PARG: variants seen among roughly 807,000 people sequenced by gnomAD.
PARG encodes the protein mitochondrial poly(ADP-ribose) glycohydrolase.
Under a neutral mutation model 113.0 loss-of-function variants are expected in PARG, and 35 were observed. The ratio of observed to expected loss-of-function variants is 0.31; its 90% CI spans 0.24 to 0.41. The LOEUF is 0.41. Ranked by LOEUF, PARG falls within the 10% of genes least tolerant of loss-of-function variation. The pLI is 1.00. For synonymous variants in PARG, 330 were observed against 409.9 expected (o/e 0.81, Z 2.36); for missense variants, 797 against 1,169.4 (o/e 0.68, Z 4.64).
At chr10:49,837,004 G>A (rs1047112775) in intron 15 of PARG, among the ~76,000 whole-genome samples, 2 of 152,148 alleles carry the variant, frequency 1.3e-5, no homozygotes, top group African/African-American at 4.8e-5. Context: ...ACAAGCTGAA[G>A]TCATAAATCT....
At chr10:49,912,288 A>G (rs1554846466) in intron 7 of PARG, among the ~76,000 whole-genome samples, 1 of 152,174 alleles carries the variant, frequency 6.6e-6, no homozygotes, top group African/African-American at 2.4e-5. Flanking sequence ...CAATAGAGTG[A>G]GATACTGTCT....
intron 15 of PARG, among the ~76,000 whole-genome samples, chr10:49,837,528 C>T (rs1845002092): frequency 6.6e-6 from 1 of 151,954 alleles, no homozygotes; most frequent in Non-Finnish European, 1.5e-5. Flanking sequence ...GTTGTGCTGT[C>T]AGTTTATGTG....
chr10:49,901,453 A>T (rs1554843758), intron 7 of PARG, among the ~76,000 whole-genome samples: 1 of 149,150 alleles, frequency 6.7e-6, no homozygotes, highest in Admixed American at 6.7e-5. Context: ...AGCTTAGCAC[A>T]CTCACAGCGC....
intron 8 of PARG, among the ~76,000 whole-genome samples, chr10:49,883,241 G>T (rs1206447059): frequency 6.6e-6 from 1 of 152,126 alleles, no homozygotes; most frequent in Non-Finnish European, 1.5e-5. Context: ...GGTTTTTGGG[G>T]TGTCCTAATG....
At chr10:49,927,345 G>A (rs1472178477) in intron 4 of PARG, among the ~76,000 whole-genome samples, 31 of 87,970 alleles carry the variant, frequency 3.5e-4, no homozygotes, top group Non-Finnish European at 1.3e-4. Flanking sequence ...AAGGAAGGAA[G>A]GAAGGAAAGA....
chr10:49,913,690 G>A (rs868927313), intron 7 of PARG, among the ~76,000 whole-genome samples: 21 of 152,226 alleles, frequency 1.4e-4, no homozygotes, highest in Non-Finnish European at 2.5e-4. Flanking sequence ...ATCACTTAAG[G>A]TCAGGAATTT....
intron 1 of PARG, among the ~76,000 whole-genome samples, chr10:49,940,791 G>A (rs1210984679): frequency 4.6e-5 from 7 of 152,178 alleles, no homozygotes; most frequent in African/African-American, 1.7e-4. Context: ...GCCTCCCAAA[G>A]CTCAGGGATT....
intron 6 of PARG, among the ~76,000 whole-genome samples, chr10:49,921,987 G>A (rs1201155033): frequency 6.6e-6 from 1 of 152,084 alleles, no homozygotes; most frequent in Non-Finnish European, 1.5e-5. Context: ...TATTGCTGAA[G>A]TCATAATTCT....
At chr10:49,849,734 G>A (rs1564611792) in intron 13 of PARG, among the ~76,000 whole-genome samples, 3 of 152,122 alleles carry the variant, frequency 2.0e-5, no homozygotes, top group South Asian at 4.1e-4. Flanking sequence ...AATTATAGGC[G>A]GGGTGTGTTG....
chr10:49,881,686 G>T (rs1176737444), intron 8 of PARG, among the ~76,000 whole-genome samples: 2 of 152,134 alleles, frequency 1.3e-5, no homozygotes, highest in African/African-American at 2.4e-5. Context: ...AAGTACAGAA[G>T]TACACACCAC....
chr10:49,908,116 T>C (rs3122263), intron 7 of PARG, among the ~76,000 whole-genome samples: 1 of 152,352 alleles, frequency 6.6e-6, no homozygotes, highest in African/African-American at 2.4e-5. Context: ...ATAACAACTC[T>C]AACTTCATCA....
intron 1 of PARG, among the ~76,000 whole-genome samples, chr10:49,937,195 G>T (rs1390695866): frequency 6.6e-6 from 1 of 151,996 alleles, no homozygotes; most frequent in Admixed American, 6.6e-5. Context: ...CCTCAAATTG[G>T]GCCGGGCGCA....
intron 7 of PARG, among the ~76,000 whole-genome samples, chr10:49,900,578 A>G (rs1848306762): frequency 6.6e-6 from 1 of 152,234 alleles, no homozygotes; most frequent in South Asian, 2.1e-4. Flanking sequence ...TTATTGCACA[A>G]TCATATCTAT....
rs1839109282 is a variant in PARG, at chr10:49,941,915, C to T, written c.-190G>A. The T allele has an allele frequency of 4.5e-6, 5 of 1,117,116 alleles. No homozygotes were observed. The highest frequency in any genetic ancestry group is 3.1e-5 in the African/African-American group (2 of 65,172). The allele number at this position is 1,117,116 out of a possible 1,614,324, so 69.2% of individuals were successfully genotyped here. ...GGCCGTAAACACTCGCCTGCCTTCC[C>T]TCTTCCACTGGCACCCCACCTGCCT... On this transcript the variant is annotated 5_prime_UTR_variant, in exon 1 of 18. Coordinates refer to ENST00000616448, the MANE Select transcript of PARG (RefSeq NM_003631.5).
chr10:49,914,013 C>G lies in PARG; in HGVS notation c.1737+1904G>C, dbSNP rs552308735. Reference sequence around the variant, plus strand: ...TGAGTAATCATCTCATATTTATGATCTACACTAAACACACCAAAACTTGCT... The same window carrying G: ...TGAGTAATCATCTCATATTTATGATGTACACTAAACACACCAAAACTTGCT... On this transcript the variant is annotated intron_variant, in intron 7 of 17. Transcript: ENST00000616448. Among the ~76,000 whole-genome samples the G allele has an allele frequency of 3.9e-5, 6 of 152,290 alleles. No individual in the cohort carries two copies. In the East Asian group the frequency reaches 7.7e-4, roughly 20 times the overall value.
intron 4 of PARG, among the ~76,000 whole-genome samples, chr10:49,928,311 T>C (rs1838319921): frequency 6.6e-6 from 1 of 151,834 alleles, no homozygotes; most frequent in South Asian, 2.1e-4. Context: ...TCAGCAGTTA[T>C]GCTGAAAGTA....
At chr10:49,863,049 T>G (rs1205560607) in intron 11 of PARG, among the ~76,000 whole-genome samples, 2 of 151,964 alleles carry the variant, frequency 1.3e-5, no homozygotes, top group Middle Eastern at 3.4e-3. Context: ...ACGAAATTGC[T>G]AGAAACCTTT....
intron 1 of PARG, 21 bp downstream of exon 1, chr10:49,941,488 G>T (rs1327735889): frequency 1.3e-6 from 2 of 1,522,718 alleles, no homozygotes; most frequent in South Asian, 1.2e-5. Flanking sequence ...GAAGGACAAA[G>T]ATTTTTATTT....
intron 7 of PARG, among the ~76,000 whole-genome samples, chr10:49,913,148 TG>T (rs1229998410): frequency 3.3e-5 from 5 of 152,240 alleles, no homozygotes; most frequent in Non-Finnish European, 5.9e-5. Context: ...ACTGCAAGCG[TG>T]GGCAATGTTG....
Sources: allele counts gnomAD v4.1 joint callset (sites outside exome capture counted in the v4.1 genomes callset), GRCh38; gene constraint gnomAD v4.1.1; transcripts MANE v1.5; gene names NCBI Gene and HGNC (gene_info 2026-07-23, HGNC 2026-07-21).